Variants in NEB observed in about 807,000 individuals in gnomAD.
NEB encodes the protein nebulin.
NEB carries 512 observed loss-of-function variants against 952.2 expected under a neutral mutation model. That is an observed-to-expected ratio of 0.54 (90% CI 0.50 to 0.58). The LOEUF is 0.58. Ranked by LOEUF, NEB falls within the 20% of genes least tolerant of loss-of-function variation. NEB has a pLI of 0.00. For synonymous variants in NEB, 2,900 were observed against 3,149.8 expected, an observed-to-expected ratio of 0.92 and a Z score of 2.66; for missense variants, 8,428 against 9,231.1, an observed-to-expected ratio of 0.91 and a Z score of 3.56.
Position 151,568,145 on chromosome 2 carries a change from C to T in NEB, c.17770G>A (p.Ala5924Thr). 6.2e-7 allele frequency: 1 copy of T among 1,613,602 alleles called. No homozygotes were observed. Among genetic ancestry groups the T allele is most frequent in the Non-Finnish European group, 8.5e-7 (1 of 1,179,736 alleles). ...LYKEGWERQK[A>T]TGYILPPDAV... ...TCTGGAGGCAAAATGTAACCTGTGG[C>T]TTTTTGTCTCTCCCAGCCTTCCTTG... The change falls in exon 113 of 182, where the codon GCC (alanine) becomes ACC (threonine). Residue 5924 changes from alanine (A) to threonine (T), a missense_variant. This residue lies in a region of NEB where 3,374 missense variants were observed against 3,651.5 expected (regional missense o/e 0.92). Coordinates refer to ENST00000397345, the MANE Select transcript of NEB (RefSeq NM_001164508.2).
At chr2:151,690,947 G>T in intron 23 of NEB, 122 bp from the exon 24 acceptor site, 2 of 695,908 alleles carry the variant, frequency 2.9e-6, no homozygotes, top group Non-Finnish European at 5.1e-6. Flanking sequence ...TAGTTGATGC[G>T]TTTATATTCT....
At chr2:151,495,054 CTT>C (rs1453856094) in intron 173 of NEB, 7 of 152,252 alleles carry the variant, frequency 4.6e-5, no homozygotes, top group Admixed American at 1.3e-4. Flanking sequence ...CCCCTACCCT[CTT>C]TTTCTTTGCT....
intron 153 of NEB, among the ~76,000 whole-genome samples, chr2:151,522,548 TC>T (rs1329271826): frequency 6.6e-6 from 1 of 152,190 alleles, no homozygotes; most frequent in East Asian, 1.9e-4. Flanking sequence ...ATGGAAAGTT[TC>T]ATGCAGGAAA....
At chr2:151,543,161 TCAGA>T (rs904631652) in intron 135 of NEB, among the ~76,000 whole-genome samples, 1 of 152,054 alleles carries the variant, frequency 6.6e-6, no homozygotes, top group African/African-American at 2.4e-5. Context: ...CAACTAGAGC[TCAGA>T]CAAAGGGCCT....
intron 47 of NEB, among the ~76,000 whole-genome samples, 170 bp downstream of exon 47, chr2:151,658,895 C>A (rs533437385): frequency 6.6e-6 from 1 of 152,222 alleles, no homozygotes; most frequent in Non-Finnish European, 1.5e-5. Context: ...ACCCCATCCA[C>A]AGTCCTACTC....
intron 133 of NEB, 50 bp from the exon 134 acceptor site, chr2:151,546,493 G>T: frequency 8.1e-7 from 1 of 1,238,098 alleles, no homozygotes. Flanking sequence ...ATGTAAGTCA[G>T]GAAACACAAA....
At chr2:151,641,593 A>ATCAC (rs2098848233) in intron 60 of NEB, among the ~76,000 whole-genome samples, 1 of 152,150 alleles carries the variant, frequency 6.6e-6, no homozygotes, top group African/African-American at 2.4e-5. Flanking sequence ...GACCTCCCAA[A>ATCAC]GCACTGGGAT....
chr2:151,516,402 G>T, intron 157 of NEB, 57 bp downstream of exon 157: 1 of 1,228,258 alleles, frequency 8.1e-7, no homozygotes, highest in Non-Finnish European at 1.2e-6. Context: ...CATGGGCAGA[G>T]CTTGTGTTCA....
intron 124 of NEB, among the ~76,000 whole-genome samples, chr2:151,558,694 T>C (rs898901594): frequency 2.0e-5 from 3 of 152,200 alleles, no homozygotes; most frequent in African/African-American, 7.2e-5. Context: ...AAACAAGCGA[T>C]GGGGAGAAGA....
At chr2:151,707,224 T>C (rs1365929970) in intron 12 of NEB, among the ~76,000 whole-genome samples, 1 of 152,188 alleles carries the variant, frequency 6.6e-6, no homozygotes, top group Non-Finnish European at 1.5e-5. Flanking sequence ...AAATTATCCA[T>C]AGGGTGTCAA....
rs2098711068 is a variant in NEB, at chr2:151,633,790, A to G, written c.9278T>C (p.Leu3093Pro). The part of the protein sequence containing the change: ...KTKFSSPVDM[L>P]GVVLAKKCQT... Reference sequence around the variant, plus strand: ...GCACTTCTTGGCCAGCACCACCCCCAGCATGTCCACTGGGCTGCTGAACTT... The same window carrying G: ...GCACTTCTTGGCCAGCACCACCCCCGGCATGTCCACTGGGCTGCTGAACTT... Residue 3093 changes from leucine (L) to proline (P), a missense_variant, in exon 65 of 182, where the codon CTG becomes CCG. Coordinates refer to ENST00000397345, the MANE Select transcript of NEB (RefSeq NM_001164508.2). 3 of 1,613,926 alleles carry G rather than the reference A, an allele frequency of 1.9e-6. No individual in the cohort carries two copies. The highest frequency in any genetic ancestry group is 1.1e-5 in the South Asian group (1 of 91,070).
In NEB at chr2:151,687,702, T is replaced by A; in HGVS notation, c.2447A>T (p.Lys816Ile). 1 of 1,597,158 alleles carries A rather than the reference T, an allele frequency of 6.3e-7. No homozygotes were observed. The highest frequency in any genetic ancestry group is 1.1e-5 in the South Asian group (1 of 88,918). Residue 816 changes from lysine (K) to isoleucine (I), a missense_variant, in exon 26 of 182, where the codon AAA (lysine) becomes ATA (isoleucine). Transcript: ENST00000397345. ...CACTTTAATGTCAAACTTCTTGGCT[T>A]TGCTCTTCTCCCAGTCTTGCTTATA... is the stretch of plus-strand genomic sequence containing the variant. ...NVYKQDWEKS[K>I]AKKFDIKVDA...
intron 124 of NEB, among the ~76,000 whole-genome samples, chr2:151,555,753 C>T (rs905157070): frequency 6.6e-6 from 1 of 151,970 alleles, no homozygotes; most frequent in Admixed American, 6.6e-5. Flanking sequence ...TCCAGCAATG[C>T]TCTTCATTGA....
At chr2:151,690,969 C>G in intron 23 of NEB, 144 bp from the exon 24 acceptor site, 1 of 642,914 alleles carries the variant, frequency 1.6e-6, no homozygotes, top group Non-Finnish European at 2.8e-6. Context: ...ACTTCTCTGT[C>G]TGTCTCTCTC....
chr2:151,526,929 T>A lies in NEB; in HGVS notation c.21934A>T (p.Ile7312Leu). Residue 7312 changes from isoleucine (I) to leucine (L), a missense_variant, in exon 148 of 182, where the codon ATA becomes TTA. Ile to Leu is a conservative substitution (Grantham distance 5, BLOSUM62 2). This residue lies in a region of NEB where 3,374 missense variants were observed against 3,651.5 expected (regional missense o/e 0.92). Coordinates refer to ENST00000397345, the MANE Select transcript of NEB (RefSeq NM_001164508.2). ...AACTAGGTACTTACATCACTTTCTA[T>A]TAAAGTATTCCTGAGGGCGAGCACC... ...NTVLALRNTLIESDLKYKEKH... is the reference protein window; with the variant it reads ...NTVLALRNTLLESDLKYKEKH... The A allele has an allele frequency of 6.3e-7, 1 of 1,591,572 alleles. No individual in the cohort carries two copies. Among genetic ancestry groups the A allele is most frequent in the African/African-American group, 1.3e-5 (1 of 74,794 alleles).
intron 3 of NEB, among the ~76,000 whole-genome samples, chr2:151,730,222 C>T (rs905082176): frequency 6.6e-6 from 1 of 151,994 alleles, no homozygotes; most frequent in African/African-American, 2.4e-5. Context: ...TGGGTGAGTC[C>T]CTTTCAATAG....
chr2:151,668,576 T>TA (rs2154184545), intron 39 of NEB, among the ~76,000 whole-genome samples: 1 of 152,314 alleles, frequency 6.6e-6, no homozygotes, highest in South Asian at 2.1e-4. Flanking sequence ...ATAGTGGATT[T>TA]AAACATTACC....
At chr2:151,721,752 A>G (rs2099774762) in intron 9 of NEB, among the ~76,000 whole-genome samples, 1 of 152,224 alleles carries the variant, frequency 6.6e-6, no homozygotes, top group Non-Finnish European at 1.5e-5. Context: ...ATCACTTGGT[A>G]ACAGCCATGT....
In NEB at chr2:151,498,297, A is replaced by C; in HGVS notation, c.24170T>G (p.Met8057Arg). Residue 8057 changes from methionine (M) to arginine (R), a missense_variant, in exon 170 of 182, where the codon ATG becomes AGG. Met to Arg is a moderately conservative substitution (Grantham distance 91, BLOSUM62 -1). Coordinates refer to ENST00000397345, the MANE Select transcript of NEB (RefSeq NM_001164508.2). Reference sequence around the variant, plus strand: ...TTCTTGATTGTGTTTGACTCTCTGCATCTCAGGAGTGATGGGGATTGGAAT... The same window carrying C: ...TTCTTGATTGTGTTTGACTCTCTGCCTCTCAGGAGTGATGGGGATTGGAAT... ...TGIPIPITPEMQRVKHNQENL... is the reference protein window; with the variant it reads ...TGIPIPITPERQRVKHNQENL... 6.4e-7 allele frequency: 1 copy of C among 1,551,552 alleles called. No homozygotes were observed. Among genetic ancestry groups the C allele is most frequent in the Non-Finnish European group, 8.7e-7 (1 of 1,146,868 alleles).
Sources: gnomAD v4.1 joint callset for allele counts (sites outside exome capture counted in the v4.1 genomes callset) on GRCh38, gnomAD v4.1.1 for gene constraint, gnomAD v4.1.1 regional missense constraint, MANE v1.5 for transcripts, NCBI Gene and HGNC (gene_info 2026-07-23, HGNC 2026-07-21) for gene names.